Variants in HMGN2 observed in about 807,000 individuals in gnomAD.
HMGN2 encodes high mobility group nucleosomal binding domain 2.
A neutral mutation model predicts 16.9 loss-of-function variants in HMGN2; 2 were observed. That is an observed-to-expected ratio of 0.12 (90% CI 0.05 to 0.37). HMGN2 has a LOEUF of 0.37. Among genes scored for constraint, HMGN2 ranks in the 10% least tolerant of loss-of-function variants. The pLI is 1.00. For synonymous variants in HMGN2, 31 were observed against 34.9 expected (o/e 0.89, Z 0.39); for missense variants, 90 against 106.0 (o/e 0.85, Z 0.66).
In HMGN2 at chr1:26,475,191, C is replaced by T; in HGVS notation, c.*43C>T. The T allele has an allele frequency of 8.1e-7, 1 of 1,242,158 alleles. No homozygotes were observed. 76.9% of individuals were successfully genotyped at this position (1,242,158 alleles called of 1,614,324 possible). On this transcript the variant is annotated 3_prime_UTR_variant, in exon 6 of 6. Transcript: ENST00000361427. ...TAACTGTGTACTTCTGGTGACTGTA[C>T]AGTTTGAAATACTATTTTTTATCAA... is the stretch of plus-strand genomic sequence containing the variant.
At chr1:26,474,191 C>T in intron 4 of HMGN2, 56 bp downstream of exon 4, 3 of 1,316,848 alleles carry the variant, frequency 2.3e-6, no homozygotes, top group Non-Finnish European at 3.2e-6. Context: ...GTCCTTAGTG[C>T]CTTAACTTAA....
chr1:26,474,973 G>C lies in HMGN2; in HGVS notation c.238-140G>C. ...GTGACTTAGCAAAGTTACCTAGTAA[G>C]TCATTCTCAGAAGAAATACTGAGTC... On this transcript the variant is annotated intron_variant, in intron 5 of 5. Transcript: ENST00000361427. The C allele has an allele frequency of 5.6e-6, 4 of 708,896 alleles. No individual in the cohort carries two copies. In the South Asian group the frequency reaches 6.9e-5, roughly 12 times the overall value. 43.9% of individuals were successfully genotyped at this position (708,896 alleles called of 1,614,324 possible).
intron 3 of HMGN2, 169 bp downstream of exon 3, chr1:26,473,901 T>TA (rs1393263118): frequency 3.8e-6 from 3 of 795,930 alleles, no homozygotes; most frequent in African/African-American, 3.5e-5. Flanking sequence ...CTGATGCCTG[T>TA]AGCCAAAGTG....
intron 1 of HMGN2, among the ~76,000 whole-genome samples, 157 bp downstream of exon 1, chr1:26,472,784 C>T (rs1372261685): frequency 1.3e-5 from 2 of 151,760 alleles, no homozygotes; most frequent in African/African-American, 2.4e-5. Flanking sequence ...GGGGCTAACC[C>T]TGAGCGGCTC....
At chr1:26,473,956 G>C (rs2075592149) in intron 3 of HMGN2, 129 bp from the exon 4 acceptor site, 1 of 845,364 alleles carries the variant, frequency 1.2e-6, no homozygotes, top group African/African-American at 1.7e-5. Context: ...CTAGAAGAAA[G>C]CCAACCACAA....
intron 1 of HMGN2, 147 bp downstream of exon 1, chr1:26,472,774 G>T (rs1202969082): frequency 2.8e-6 from 2 of 715,876 alleles, no homozygotes; most frequent in Admixed American, 6.7e-5. Flanking sequence ...CGGGCAGCTC[G>T]GGGCTAACCC....
rs2075582731 is a variant in HMGN2 at position 26,472,955 on chromosome 1, GC to G, written c.15+329del. On this transcript the variant is annotated intron_variant, in intron 1 of 5. Coordinates refer to ENST00000361427, the MANE Select transcript of HMGN2 (RefSeq NM_005517.4). ...CCTTCCCTCCCCTCCCTGCGGGCGG[GC>G]AATTCAAACCCGAAAGGGCGGGAAG... Among the ~76,000 whole-genome samples the G allele has an allele frequency of 1.3e-5, 2 of 151,934 alleles. 1 individual carries two copies. Among genetic ancestry groups the G allele is most frequent in the South Asian group, 4.1e-4 (2 of 4,834 alleles).
chr1:26,473,341 T>C lies in HMGN2; in HGVS notation c.16-142T>C, dbSNP rs116614698. On this transcript the variant is annotated intron_variant, in intron 1 of 5. Coordinates refer to ENST00000361427, the MANE Select transcript of HMGN2 (RefSeq NM_005517.4). ...AGCTCCTGCGCGCGCTTCGTTCTTATACGAACGTCGGGCTCACTCATTTAT... is the reference window on the plus strand; with the variant it reads ...AGCTCCTGCGCGCGCTTCGTTCTTACACGAACGTCGGGCTCACTCATTTAT... 1,079 of 648,162 alleles carry C rather than the reference T, an allele frequency of 1.7e-3. 7 individuals carry two copies. The African/African-American group carries it at 0.018, about 11-fold the overall frequency. The allele number at this position is 648,162 out of a possible 1,614,324, so 40.2% of individuals were successfully genotyped here.
Position 26,472,492 on chromosome 1 carries a change from A to T in HMGN2, c.-121A>T, listed in dbSNP as rs985184401. 9.8e-6 allele frequency: 12 copies of T among 1,229,930 alleles called. No individual in the cohort carries two copies. Among genetic ancestry groups the T allele is most frequent in the Middle Eastern group, 5.3e-4 (2 of 3,790 alleles). The allele number at this position is 1,229,930 out of a possible 1,614,324, so 76.2% of individuals were successfully genotyped here. ...TCCCAGCGCTATAAAAACTTTATAAACCCCCCGGAGCCCGAGCAGTGTGAA... is the reference window on the plus strand; with the variant it reads ...TCCCAGCGCTATAAAAACTTTATAATCCCCCCGGAGCCCGAGCAGTGTGAA... On this transcript the variant is annotated 5_prime_UTR_variant, in exon 1 of 6. Coordinates refer to ENST00000361427, the MANE Select transcript of HMGN2 (RefSeq NM_005517.4).
chr1:26,472,749 G>A, intron 1 of HMGN2, 122 bp downstream of exon 1: 2 of 866,182 alleles, frequency 2.3e-6, no homozygotes, highest in East Asian at 3.0e-5. Flanking sequence ...CCCGCGCGGG[G>A]GCTGGAGACG....
chr1:26,472,552 C>G lies in HMGN2; in HGVS notation c.-61C>G, dbSNP rs2075576872. Reference sequence around the variant, plus strand: ...AGAACGACCCCCGGACCGACCAAAGCCCGCGCGCCGCTGCATCCCGCGTCC... The same window carrying G: ...AGAACGACCCCCGGACCGACCAAAGGCCGCGCGCCGCTGCATCCCGCGTCC... On this transcript the variant is annotated 5_prime_UTR_variant, in exon 1 of 6. Transcript: ENST00000361427. 1.3e-6 allele frequency: 2 copies of G among 1,533,122 alleles called. No homozygotes were observed. Among genetic ancestry groups the G allele is most frequent in the South Asian group, 2.4e-5 (2 of 84,126 alleles). The allele number at this position is 1,533,122 out of a possible 1,614,324, so 95.0% of individuals were successfully genotyped here. A position where few individuals can be genotyped will look rare whatever the true frequency, so the allele number is the denominator to read the frequency against.
chr1:26,473,124 C>T (rs931791395), intron 1 of HMGN2: 3 of 275,070 alleles, frequency 1.1e-5, no homozygotes, highest in African/African-American at 4.6e-5. Flanking sequence ...CCCACGAGTT[C>T]CCCGGGCTGC....
chr1:26,474,809 C>G, intron 5 of HMGN2, 142 bp downstream of exon 5: 1 of 636,628 alleles, frequency 1.6e-6, no homozygotes, highest in Non-Finnish European at 2.8e-6. Context: ...AACTTAAATC[C>G]TGGATTCTTG....
rs1392415843 is a variant in HMGN2, at chr1:26,476,251, G to A, written c.*1103G>A. 1.3e-5 allele frequency among the ~76,000 whole-genome samples: 2 copies of A among 152,232 alleles called. No homozygotes were observed. The highest frequency in any genetic ancestry group is 6.5e-5 in the Admixed American group (1 of 15,274). On this transcript the variant is annotated 3_prime_UTR_variant, in exon 6 of 6. Transcript: ENST00000361427. ...GTTTTTTGCATGACTCCGAATACATGAAGTGTATTAAATGCAGATTTTTGG... is the reference window on the plus strand; with the variant it reads ...GTTTTTTGCATGACTCCGAATACATAAAGTGTATTAAATGCAGATTTTTGG...
At chr1:26,473,936 A>T (rs1309309399) in intron 3 of HMGN2, 149 bp from the exon 4 acceptor site, 7 of 800,996 alleles carry the variant, frequency 8.7e-6, no homozygotes, top group Non-Finnish European at 1.4e-5. Context: ...GCTTCTGGAA[A>T]TCCAACATTC....
In HMGN2 at chr1:26,472,646, C is replaced by T; in HGVS notation, c.15+19C>T. 1 of 1,528,756 alleles carries T rather than the reference C, an allele frequency of 6.5e-7. No individual in the cohort carries two copies. The allele number at this position is 1,528,756 out of a possible 1,614,324, so 94.7% of individuals were successfully genotyped here. ...GAGAAAGGTACGTGGCGCGAGGGCC[C>T]CAGGCGCCGGGCCACCACTGCCGCC... On this transcript the variant is annotated intron_variant, in intron 1 of 5. Coordinates refer to ENST00000361427, the MANE Select transcript of HMGN2 (RefSeq NM_005517.4).
At position 26,475,812 on chromosome 1, in the gene HMGN2, T is replaced by C. The variant is rs2075604419; in HGVS notation, c.*664T>C. The C allele has an allele frequency of 9.2e-6, 3 of 326,098 alleles. No homozygotes were observed. Among genetic ancestry groups the C allele is most frequent in the South Asian group, 4.6e-5 (2 of 43,100 alleles). The allele number at this position is 326,098 out of a possible 1,614,324, so 20.2% of individuals were successfully genotyped here. On this transcript the variant is annotated 3_prime_UTR_variant, in exon 6 of 6. Transcript: ENST00000361427. The stretch of plus-strand genomic sequence containing the variant: ...TCAGAGCATCAGATGAAGACTTCAT[T>C]GGGTTTTATAGTGGCTTTCTGATTT...
Position 26,476,436 on chromosome 1 carries a change from C to T in HMGN2, c.*1288C>T, listed in dbSNP as rs2075609438. Reference sequence around the variant, plus strand: ...TTGTAAGGTAGATGACACTTTGCTCCTAAGTAGACCTGCAAACAAAGACAA... The same window carrying T: ...TTGTAAGGTAGATGACACTTTGCTCTTAAGTAGACCTGCAAACAAAGACAA... On this transcript the variant is annotated 3_prime_UTR_variant, in exon 6 of 6. Coordinates refer to ENST00000361427, the MANE Select transcript of HMGN2 (RefSeq NM_005517.4). 1.3e-5 allele frequency among the ~76,000 whole-genome samples: 2 copies of T among 152,158 alleles called. No homozygotes were observed. Among genetic ancestry groups the T allele is most frequent in the Non-Finnish European group, 2.9e-5 (2 of 68,028 alleles).
chr1:26,473,777 A>C, intron 3 of HMGN2, 45 bp downstream of exon 3: 8 of 1,538,916 alleles, frequency 5.2e-6, no homozygotes, highest in Non-Finnish European at 6.3e-6. Context: ...CTGAAACTAA[A>C]AAACATCAAA....
Sources: allele counts gnomAD v4.1 joint callset (sites outside exome capture counted in the v4.1 genomes callset), GRCh38; gene constraint gnomAD v4.1.1; transcripts MANE v1.5; gene names NCBI Gene and HGNC (gene_info 2026-07-23, HGNC 2026-07-21).